PEPD: variants seen among roughly 807,000 people sequenced by gnomAD.
PEPD encodes peptidase D.
PEPD carries 53 observed loss-of-function variants against 60.7 expected under a neutral mutation model. The observed-to-expected ratio is 0.87, with a 90% CI of 0.70 to 1.10. PEPD has a LOEUF of 1.10. Among genes scored for constraint, PEPD ranks in the 50% least tolerant of loss-of-function variants. PEPD has a pLI of 0.00. For missense variants in PEPD, 711 were observed against 711.9 expected (o/e 1.00, Z 0.01); for synonymous variants, 267 against 284.1 (o/e 0.94, Z 0.60).
rs764138313 is a variant in PEPD at position 33,387,109 on chromosome 19, TC to T, written c.*234del. ...CAGCATTATTTTCAATCATTTTAAGTCGCTCATTTAATAAGCAAGGTATAAA... is the reference window on the plus strand; with the variant it reads ...CAGCATTATTTTCAATCATTTTAAGTGCTCATTTAATAAGCAAGGTATAAA... On this transcript the variant is annotated 3_prime_UTR_variant, in exon 15 of 15. Transcript: ENST00000244137. The T allele has an allele frequency of 2.6e-5, 15 of 568,102 alleles. No homozygotes were observed. The highest frequency in any genetic ancestry group is 4.4e-5 in the Non-Finnish European group (14 of 319,318). 35.2% of individuals were successfully genotyped at this position (568,102 alleles called of 1,614,324 possible).
At chr19:33,397,652 C>A (rs1321536367) in intron 12 of PEPD, among the ~76,000 whole-genome samples, 1 of 151,992 alleles carries the variant, frequency 6.6e-6, no homozygotes, top group Non-Finnish European at 1.5e-5. Context: ...ACACAGGGAT[C>A]CTCCAGACCC....
At chr19:33,411,330 C>G (rs1466054833) in intron 11 of PEPD, among the ~76,000 whole-genome samples, 1 of 152,172 alleles carries the variant, frequency 6.6e-6, no homozygotes, top group Non-Finnish European at 1.5e-5. Flanking sequence ...AAGATGCGAG[C>G]GTGGTGCCCC....
intron 9 of PEPD, among the ~76,000 whole-genome samples, chr19:33,430,167 T>C (rs900182923): frequency 2.6e-5 from 4 of 152,094 alleles, no homozygotes; most frequent in African/African-American, 9.7e-5. Flanking sequence ...AATGAGAACA[T>C]CCCCGGGAAG....
intron 5 of PEPD, among the ~76,000 whole-genome samples, chr19:33,490,810 C>A (rs988009895): frequency 6.6e-6 from 1 of 152,050 alleles, no homozygotes; most frequent in African/African-American, 2.4e-5. Flanking sequence ...ATTACAGGTG[C>A]GCACCACCAT....
intron 12 of PEPD, among the ~76,000 whole-genome samples, chr19:33,392,082 C>T (rs1028954226): frequency 3.3e-5 from 5 of 152,216 alleles, no homozygotes; most frequent in South Asian, 4.1e-4. Flanking sequence ...GCGGCTGGCA[C>T]GGCCCCACGA....
chr19:33,450,438 T>C (rs970663491), intron 9 of PEPD, among the ~76,000 whole-genome samples: 1 of 152,216 alleles, frequency 6.6e-6, no homozygotes, highest in African/African-American at 2.4e-5. Context: ...AGGAGGAATA[T>C]GATTTGCTAA....
intron 14 of PEPD, 132 bp from the exon 15 acceptor site, chr19:33,387,613 C>T (rs927875684): frequency 1.1e-5 from 13 of 1,196,234 alleles, no homozygotes; most frequent in East Asian, 2.4e-5. Context: ...GGGTGGCCTC[C>T]GGGCTCCTTC....
Position 33,387,163 on chromosome 19 carries a change from G to C in PEPD, c.*181C>G. On this transcript the variant is annotated 3_prime_UTR_variant, in exon 15 of 15. Coordinates refer to ENST00000244137, the MANE Select transcript of PEPD (RefSeq NM_000285.4). Reference sequence around the variant, plus strand: ...AGATTAAAGGTGGGAGCCTGCAAAAGGGTAATTAAAAAAGTGTTTCCTCCC... The same window carrying C: ...AGATTAAAGGTGGGAGCCTGCAAAACGGTAATTAAAAAAGTGTTTCCTCCC... 2 of 622,252 alleles carry C rather than the reference G, an allele frequency of 3.2e-6. No homozygotes were observed. Among genetic ancestry groups the C allele is most frequent in the Non-Finnish European group, 5.6e-6 (2 of 356,826 alleles). 38.5% of individuals were successfully genotyped at this position (622,252 alleles called of 1,614,324 possible).
At chr19:33,466,720 T>G (rs1970023308) in intron 7 of PEPD, among the ~76,000 whole-genome samples, 1 of 151,148 alleles carries the variant, frequency 6.6e-6, no homozygotes, top group African/African-American at 2.4e-5. Context: ...TTTCTAACTT[T>G]CAGCAATGCA....
chr19:33,456,193 A>G (rs1969796099), intron 9 of PEPD, among the ~76,000 whole-genome samples: 1 of 152,042 alleles, frequency 6.6e-6, no homozygotes, highest in Admixed American at 6.5e-5. Flanking sequence ...GCTCTGTCGA[A>G]TCTCTGGTGG....
chr19:33,429,836 C>T lies in PEPD; in HGVS notation c.672-16193G>A, dbSNP rs573393120. On this transcript the variant is annotated intron_variant, in intron 9 of 14. Coordinates refer to ENST00000244137, the MANE Select transcript of PEPD (RefSeq NM_000285.4). Reference sequence around the variant, plus strand: ...GCAAATGGGCAAAGGACTGAAAACCCACAAAGATAAATGCCCAAGAAATAC... The same window carrying T: ...GCAAATGGGCAAAGGACTGAAAACCTACAAAGATAAATGCCCAAGAAATAC... Among the ~76,000 whole-genome samples the T allele has an allele frequency of 1.2e-4, 19 of 152,326 alleles. No individual in the cohort carries two copies. In the South Asian group the frequency reaches 3.9e-3, roughly 32 times the overall value.
At chr19:33,508,703 C>G (rs902394159) in intron 3 of PEPD, among the ~76,000 whole-genome samples, 5 of 152,208 alleles carry the variant, frequency 3.3e-5, no homozygotes, top group Non-Finnish European at 7.3e-5. Context: ...AGGTGGAAGC[C>G]ACAGTGCAGT....
At chr19:33,412,466 C>T (rs1968799550) in intron 10 of PEPD, among the ~76,000 whole-genome samples, 1 of 152,224 alleles carries the variant, frequency 6.6e-6, no homozygotes. Flanking sequence ...AGGGCCCCGG[C>T]TGTCCTGGAG....
intron 1 of PEPD, among the ~76,000 whole-genome samples, chr19:33,519,059 A>G (rs886224432): frequency 1.3e-5 from 2 of 152,150 alleles, no homozygotes; most frequent in African/African-American, 2.4e-5. Flanking sequence ...GCTGGAGCTG[A>G]CAGATTTCAA....
intron 9 of PEPD, among the ~76,000 whole-genome samples, chr19:33,429,912 C>T (rs1027703958): frequency 3.3e-5 from 5 of 152,138 alleles, no homozygotes; most frequent in East Asian, 1.9e-4. Flanking sequence ...AAAATAAAGA[C>T]GGGGTATTAC....
At chr19:33,467,734 G>A (rs994126219) in intron 7 of PEPD, among the ~76,000 whole-genome samples, 7 of 152,128 alleles carry the variant, frequency 4.6e-5, no homozygotes, top group African/African-American at 1.2e-4. Flanking sequence ...GGCAGGAGTC[G>A]CTGGTTTCAT....
At chr19:33,433,053 C>T (rs1347162438) in intron 9 of PEPD, among the ~76,000 whole-genome samples, 1 of 152,016 alleles carries the variant, frequency 6.6e-6, no homozygotes, top group Non-Finnish European at 1.5e-5. Flanking sequence ...TCTATCCCTC[C>T]ATTCCTGAAC....
chr19:33,426,056 G>T (rs570217007), intron 9 of PEPD, among the ~76,000 whole-genome samples: 17 of 152,334 alleles, frequency 1.1e-4, no homozygotes, highest in Non-Finnish European at 2.1e-4. Context: ...CTGGCCTCAA[G>T]TGATCCTCCC....
chr19:33,507,882 G>C (rs1179954356), intron 3 of PEPD, among the ~76,000 whole-genome samples: 1 of 152,132 alleles, frequency 6.6e-6, no homozygotes. Flanking sequence ...GGAACGGAGA[G>C]GCCTGCTCGG....
Sources: gnomAD v4.1 joint callset for allele counts (sites outside exome capture counted in the v4.1 genomes callset) on GRCh38, gnomAD v4.1.1 for gene constraint, MANE v1.5 for transcripts, NCBI Gene and HGNC (gene_info 2026-07-23, HGNC 2026-07-21) for gene names.